Variants in CYB5R4 observed in about 807,000 individuals in gnomAD.
The protein encoded by CYB5R4 is N-terminal cytochrome b5 and cytochrome b5 oxidoreductase domain-containing protein.
In CYB5R4, 55 loss-of-function variants were observed where a neutral mutation model predicts 70.2. The ratio of observed to expected loss-of-function variants is 0.78; its 90% confidence interval spans 0.63 to 0.98. The LOEUF is 0.98. Among genes scored for constraint, CYB5R4 ranks in the 50% least tolerant of loss-of-function variants. The pLI is 0.00. For missense variants in CYB5R4, 562 were observed against 612.6 expected (o/e 0.92, Z 0.87); for synonymous variants, 197 against 199.5 (o/e 0.99, Z 0.11).
At chr6:83,919,364 ATAAT>A (rs1562839147) in intron 6 of CYB5R4, 29 bp from the exon 7 acceptor site, 10 of 1,191,154 alleles carry the variant, frequency 8.4e-6, no homozygotes, top group Non-Finnish European at 8.4e-6. Flanking sequence ...GATTGTCAAT[ATAAT>A]TATTCATCCT....
intron 2 of CYB5R4, among the ~76,000 whole-genome samples, chr6:83,885,658 G>A (rs538881413): frequency 3.0e-4 from 46 of 152,198 alleles, no homozygotes; most frequent in African/African-American, 9.9e-4. Flanking sequence ...GATTAAGTTG[G>A]AGCATGCTGT....
In CYB5R4 at chr6:83,962,658, A is replaced by C. The variant is rs1256210222; in HGVS notation, c.*2780A>C. ...CTTAAAGCCTCACAAGGCTGTAATC[A>C]GATTGTCAGCTGAGCTGGGCTCTTA... On this transcript the variant is annotated 3_prime_UTR_variant, in exon 16 of 16. Transcript: ENST00000369681. The C allele has an allele frequency of 1.3e-5, 2 of 152,212 alleles. No individual in the cohort carries two copies. Among genetic ancestry groups the C allele is most frequent in the Non-Finnish European group, 2.9e-5 (2 of 68,050 alleles). The allele number at this position is 152,212 out of a possible 1,614,324, so 9.4% of individuals were successfully genotyped here. A position where few individuals can be genotyped will look rare whatever the true frequency, so the allele number is the denominator to read the frequency against.
intron 3 of CYB5R4, among the ~76,000 whole-genome samples, chr6:83,904,859 A>G (rs1024450649): frequency 2.6e-5 from 4 of 152,242 alleles, no homozygotes; most frequent in African/African-American, 9.6e-5. Flanking sequence ...CTTTAGAATC[A>G]ATAGTTTGAA....
At chr6:83,927,350 G>A (rs2099467459) in intron 10 of CYB5R4, among the ~76,000 whole-genome samples, 1 of 152,100 alleles carries the variant, frequency 6.6e-6, no homozygotes, top group South Asian at 2.1e-4. Context: ...ACTCAAGTCT[G>A]ATACATCCTG....
intron 3 of CYB5R4, among the ~76,000 whole-genome samples, chr6:83,905,296 A>T (rs1405866571): frequency 6.6e-6 from 1 of 152,104 alleles, no homozygotes; most frequent in Non-Finnish European, 1.5e-5. Flanking sequence ...ACCTCAGGTG[A>T]TCTTCCCGCC....
intron 7 of CYB5R4, 110 bp from the exon 8 acceptor site, chr6:83,920,972 C>T (rs2099466286): frequency 1.3e-6 from 1 of 754,092 alleles, no homozygotes; most frequent in Non-Finnish European, 1.9e-6. Context: ...CTTGGAGGTT[C>T]AATAAAGAAG....
intron 2 of CYB5R4, among the ~76,000 whole-genome samples, chr6:83,870,908 A>G (rs549301466): frequency 1.1e-4 from 16 of 149,408 alleles, no homozygotes; most frequent in Non-Finnish European, 2.2e-4. Flanking sequence ...CAAATCAACA[A>G]TGTTCTGCCT....
intron 3 of CYB5R4, among the ~76,000 whole-genome samples, chr6:83,904,119 G>C (rs761777944): frequency 1.3e-5 from 2 of 151,906 alleles, no homozygotes; most frequent in South Asian, 2.1e-4. Context: ...AGTTCCTTGA[G>C]GTACATTGTT....
intron 10 of CYB5R4, among the ~76,000 whole-genome samples, chr6:83,928,846 G>A (rs142527523): frequency 2.5e-3 from 380 of 152,264 alleles, no homozygotes; most frequent in African/African-American, 7.6e-3. Context: ...AGAAATAAAT[G>A]ATACTGAGAA....
chr6:83,914,563 A>G, intron 5 of CYB5R4, 115 bp downstream of exon 5: 1 of 937,308 alleles, frequency 1.1e-6, no homozygotes, highest in South Asian at 2.0e-5. Context: ...TTTGAGATGG[A>G]GTATTGCTTT....
At chr6:83,878,505 G>A (rs61761500) in intron 2 of CYB5R4, among the ~76,000 whole-genome samples, 13 of 152,110 alleles carry the variant, frequency 8.5e-5, no homozygotes, top group Middle Eastern at 6.8e-3. Flanking sequence ...ACGCCACCAC[G>A]CCTGGCCAAT....
chr6:83,869,949 A>G lies in CYB5R4; in HGVS notation c.229+5621A>G, dbSNP rs116368736. On this transcript the variant is annotated intron_variant, in intron 2 of 15. Transcript: ENST00000369681. ...AGAATAGTGCTGAAGTGCTGTGGCAAGAAAGCTGTAGTATGCCTTATGGAG... is the reference window on the plus strand; with the variant it reads ...AGAATAGTGCTGAAGTGCTGTGGCAGGAAAGCTGTAGTATGCCTTATGGAG... Among the ~76,000 whole-genome samples, 471 of 152,350 alleles carry G rather than the reference A, an allele frequency of 3.1e-3. 2 individuals carry two copies. Among genetic ancestry groups the G allele is most frequent in the African/African-American group, 0.011 (445 of 41,574 alleles).
At chr6:83,922,417 A>G (rs1278906365) in intron 8 of CYB5R4, 21 bp from the exon 9 acceptor site, 2 of 1,604,418 alleles carry the variant, frequency 1.2e-6, no homozygotes, top group Non-Finnish European at 1.7e-6. Context: ...TATTTTAACT[A>G]AATAAATTTG....
chr6:83,904,917 C>T (rs142839424), intron 3 of CYB5R4, among the ~76,000 whole-genome samples: 9 of 152,124 alleles, frequency 5.9e-5, no homozygotes, highest in Non-Finnish European at 1.3e-4. Context: ...TGATCTGTTG[C>T]CAGAGAATTA....
intron 7 of CYB5R4, among the ~76,000 whole-genome samples, chr6:83,919,760 CTGTGTGTGTG>C (rs58002492): frequency 1.5e-4 from 21 of 142,082 alleles, no homozygotes; most frequent in East Asian, 2.1e-4. Flanking sequence ...ATGTGTTTTT[CTGTGTGTGTG>C]TGTGTGTGTG....
intron 2 of CYB5R4, among the ~76,000 whole-genome samples, chr6:83,883,863 G>A (rs777617047): frequency 5.9e-5 from 9 of 152,040 alleles, no homozygotes; most frequent in South Asian, 2.1e-4. Context: ...CTTATATTAC[G>A]TGGGAAGGCA....
intron 2 of CYB5R4, among the ~76,000 whole-genome samples, chr6:83,866,342 G>T (rs1470140177): frequency 6.6e-6 from 1 of 152,144 alleles, no homozygotes; most frequent in Non-Finnish European, 1.5e-5. Context: ...GGGATCAGAA[G>T]TATTTTGAAT....
chr6:83,924,408 T>C, intron 9 of CYB5R4, 62 bp from the exon 10 acceptor site: 3 of 1,545,258 alleles, frequency 1.9e-6, no homozygotes, highest in Non-Finnish European at 2.7e-6. Flanking sequence ...GAAATACTGG[T>C]TTTAAAATAA....
intron 3 of CYB5R4, among the ~76,000 whole-genome samples, chr6:83,896,995 G>T (rs951624571): frequency 6.6e-6 from 1 of 151,432 alleles, no homozygotes; most frequent in African/African-American, 2.4e-5. Context: ...GTGCCATTTT[G>T]GTGTGCTGCA....
Sources: allele counts gnomAD v4.1 joint callset (sites outside exome capture counted in the v4.1 genomes callset), GRCh38; gene constraint gnomAD v4.1.1; transcripts MANE v1.5; gene names NCBI Gene and HGNC (gene_info 2026-07-23, HGNC 2026-07-21).